SLCO3A1: variants seen among roughly 807,000 people sequenced by gnomAD.
SLCO3A1 encodes the protein solute carrier organic anion transporter family member 3A1.
In SLCO3A1, 27 loss-of-function variants were observed where a neutral mutation model predicts 63.1. The ratio of observed to expected loss-of-function variants is 0.43; its 90% CI spans 0.32 to 0.59. The LOEUF is 0.59. SLCO3A1 is among the 20% of genes least tolerant of loss of function. The pLI is 0.09. For synonymous variants in SLCO3A1, 473 were observed against 409.9 expected (o/e 1.15, Z -1.86); for missense variants, 773 against 945.8 (o/e 0.82, Z 2.40).
intron 2 of SLCO3A1, among the ~76,000 whole-genome samples, chr15:91,984,606 G>A (rs959943196): frequency 2.1e-5 from 3 of 143,554 alleles, no homozygotes; most frequent in Admixed American, 1.3e-4. Flanking sequence ...ATAATCAAAC[G>A]TACATAAAAA....
rs1287228339 is a variant in SLCO3A1, at chr15:91,948,602, G to A, written c.646+32144G>A. 1.3e-5 allele frequency among the ~76,000 whole-genome samples: 2 copies of A among 152,208 alleles called. No homozygotes were observed. Among genetic ancestry groups the A allele is most frequent in the Non-Finnish European group, 2.9e-5 (2 of 68,034 alleles). On this transcript the variant is annotated intron_variant, in intron 2 of 9. Coordinates refer to ENST00000318445, the MANE Select transcript of SLCO3A1 (RefSeq NM_013272.4). The surrounding 1 kb of genome is among the most constrained non-coding windows in gnomAD (Gnocchi z 4.8). Reference sequence around the variant, plus strand: ...CTGAAAAACTTTCAAAACAGTACAGGCAATTAATCAGGGATGCCTGCATGG... The same window carrying A: ...CTGAAAAACTTTCAAAACAGTACAGACAATTAATCAGGGATGCCTGCATGG...
At position 92,165,216 on chromosome 15, in the gene SLCO3A1, A is replaced by T. The variant is rs1330340103; in HGVS notation, c.*2081A>T. 1 of 985,288 alleles carries T rather than the reference A, an allele frequency of 1.0e-6. No individual in the cohort carries two copies. Among genetic ancestry groups the T allele is most frequent in the African/African-American group, 1.7e-5 (1 of 57,202 alleles). 61.0% of individuals were successfully genotyped at this position (985,288 alleles called of 1,614,324 possible). A position where few individuals can be genotyped will look rare whatever the true frequency, so the allele number is the denominator to read the frequency against. On this transcript the variant is annotated 3_prime_UTR_variant, in exon 10 of 10. Coordinates refer to ENST00000318445, the MANE Select transcript of SLCO3A1 (RefSeq NM_013272.4). ...AGCTACCTGGGGCAGGATGCTTCTG[A>T]GACAGGCCTTTCAACTGCTTAGTGT...
intron 9 of SLCO3A1, among the ~76,000 whole-genome samples, chr15:92,151,388 C>T (rs898698985): frequency 1.3e-5 from 2 of 152,074 alleles, no homozygotes; most frequent in African/African-American, 2.4e-5. Flanking sequence ...GAGAGAGAGG[C>T]GTTCTCACAA....
At chr15:92,079,464 G>C (rs1013962846) in intron 2 of SLCO3A1, among the ~76,000 whole-genome samples, 2 of 152,266 alleles carry the variant, frequency 1.3e-5, no homozygotes, top group African/African-American at 2.4e-5. Flanking sequence ...CAGACGGCCA[G>C]CTTCTCACTG....
At chr15:92,134,620 T>C (rs939774022) in intron 7 of SLCO3A1, among the ~76,000 whole-genome samples, 13 of 152,192 alleles carry the variant, frequency 8.5e-5, no homozygotes, top group Admixed American at 3.3e-4. Flanking sequence ...GAAGAACATA[T>C]AGCCATCCAT....
rs1433275585 is a variant in SLCO3A1 at position 91,968,832 on chromosome 15, G to A, written c.646+52374G>A. On this transcript the variant is annotated intron_variant, in intron 2 of 9. Coordinates refer to ENST00000318445, the MANE Select transcript of SLCO3A1 (RefSeq NM_013272.4). The surrounding 1 kb of genome is among the most constrained non-coding windows in gnomAD (Gnocchi z 4.2). ...CCTTAGGGTGGCGCTGTTTATTGGC[G>A]CCTTTTTGCTTGGCACATTCTGGTT... Among the ~76,000 whole-genome samples the A allele has an allele frequency of 2.6e-5, 4 of 152,178 alleles. No individual in the cohort carries two copies. Among genetic ancestry groups the A allele is most frequent in the Admixed American group, 2.6e-4 (4 of 15,278 alleles).
chr15:92,017,646 G>A (rs2046454178), intron 2 of SLCO3A1, among the ~76,000 whole-genome samples: 1 of 152,130 alleles, frequency 6.6e-6, no homozygotes, highest in Admixed American at 6.5e-5. Context: ...GGTAGGGGAG[G>A]GTGGGAGAAG....
chr15:92,036,309 C>A (rs1269182886), intron 2 of SLCO3A1, among the ~76,000 whole-genome samples: 1 of 150,814 alleles, frequency 6.6e-6, no homozygotes, highest in Non-Finnish European at 1.5e-5. Context: ...GAAGGGCTGG[C>A]AAAATACCAA....
At chr15:92,128,329 C>G (rs762280364) in intron 6 of SLCO3A1, 22 bp from the exon 7 acceptor site, 1 of 1,612,874 alleles carries the variant, frequency 6.2e-7, no homozygotes, top group Middle Eastern at 1.7e-4. Flanking sequence ...CTAATGGCTT[C>G]CGTGTTTCCT....
At chr15:91,971,350 G>A (rs943051835) in intron 2 of SLCO3A1, among the ~76,000 whole-genome samples, 1 of 117,968 alleles carries the variant, frequency 8.5e-6, no homozygotes, top group African/African-American at 3.1e-5. Flanking sequence ...AGCCGAGGTC[G>A]TGCCACTGCA....
intron 2 of SLCO3A1, among the ~76,000 whole-genome samples, chr15:91,969,277 G>C (rs1055379439): frequency 6.6e-6 from 1 of 151,816 alleles, no homozygotes; most frequent in Non-Finnish European, 1.5e-5. Context: ...TTGTTGTGGA[G>C]TAAAATTTCT....
chr15:92,046,788 T>A (rs569668778), intron 2 of SLCO3A1, among the ~76,000 whole-genome samples: 1 of 150,782 alleles, frequency 6.6e-6, no homozygotes, highest in African/African-American at 2.4e-5. Context: ...CCGCAGAGAG[T>A]TAAAATCTCA....
At chr15:91,895,030 CT>C (rs1897969435) in intron 1 of SLCO3A1, among the ~76,000 whole-genome samples, 1 of 152,072 alleles carries the variant, frequency 6.6e-6, no homozygotes, top group African/African-American at 2.4e-5. Context: ...TTTGTTTGTC[CT>C]TTAGGAACAG....
intron 1 of SLCO3A1, among the ~76,000 whole-genome samples, chr15:91,911,525 T>C (rs879528054): frequency 1.3e-4 from 20 of 152,112 alleles, no homozygotes; most frequent in Admixed American, 1.3e-3. Context: ...TGATGGTGAG[T>C]ATGTGCCTGG....
intron 4 of SLCO3A1, among the ~76,000 whole-genome samples, chr15:92,113,612 C>G (rs1381197647): frequency 6.6e-6 from 1 of 152,170 alleles, no homozygotes; most frequent in Non-Finnish European, 1.5e-5. Context: ...ATGGGCTCCT[C>G]AATAGCCCAG....
At chr15:92,083,407 A>G (rs1303357703) in intron 2 of SLCO3A1, among the ~76,000 whole-genome samples, 1 of 151,978 alleles carries the variant, frequency 6.6e-6, no homozygotes, top group East Asian at 1.9e-4. Flanking sequence ...CTCCCTTCCC[A>G]CGTTCAGGAA....
In SLCO3A1 at chr15:91,873,902, C is replaced by T. The variant is rs1322177333; in HGVS notation, c.180+19814C>T. Among the ~76,000 whole-genome samples, 7 of 152,074 alleles carry T rather than the reference C, an allele frequency of 4.6e-5. No homozygotes were observed. In the East Asian group the frequency reaches 1.3e-3, roughly 29 times the overall value. ...TTTCATTTGTTCTATGATTTTGTGT[C>T]ATTTCCTTTGTTTTTTTTCTTTATT... On this transcript the variant is annotated intron_variant, in intron 1 of 9. Coordinates refer to ENST00000318445, the MANE Select transcript of SLCO3A1 (RefSeq NM_013272.4).
chr15:91,988,529 C>A (rs574025637), intron 2 of SLCO3A1, among the ~76,000 whole-genome samples: 1 of 142,026 alleles, frequency 7.0e-6, no homozygotes, highest in East Asian at 2.2e-4. Context: ...GCATGAGACA[C>A]GATAAAAAGG....
At chr15:91,972,010 G>C (rs1213245835) in intron 2 of SLCO3A1, among the ~76,000 whole-genome samples, 1 of 151,960 alleles carries the variant, frequency 6.6e-6, no homozygotes, top group African/African-American at 2.4e-5. Context: ...GCGTCATGTT[G>C]GCGCTCAAAA....
Sources: allele counts gnomAD v4.1 joint callset (sites outside exome capture counted in the v4.1 genomes callset), GRCh38; gene constraint gnomAD v4.1.1; non-coding constraint Gnocchi (gnomAD v3.1); transcripts MANE v1.5; gene names NCBI Gene and HGNC (gene_info 2026-07-23, HGNC 2026-07-21).